Variants in TMEM132D observed in about 807,000 individuals in gnomAD.
TMEM132D encodes transmembrane protein 132D.
Under a neutral mutation model 62.3 loss-of-function variants are expected in TMEM132D, and 21 were observed. The ratio of observed to expected loss-of-function variants is 0.34; its 90% confidence interval spans 0.24 to 0.49. The LOEUF is 0.49. TMEM132D is among the 20% of genes least tolerant of loss of function. The probability of loss-of-function intolerance (pLI) is 0.99; values close to 1 mark genes in which losing one functional copy is unlikely to be tolerated. For missense variants in TMEM132D, 1,346 were observed against 1,402.8 expected, an observed-to-expected ratio of 0.96 and a Z score of 0.65; for synonymous variants, 621 against 575.6, an observed-to-expected ratio of 1.08 and a Z score of -1.13.
chr12:129,283,890 T>A (rs948657091), intron 4 of TMEM132D, among the ~76,000 whole-genome samples: 2 of 152,222 alleles, frequency 1.3e-5, no homozygotes, highest in African/African-American at 4.8e-5. Flanking sequence ...AGGAGCTAAC[T>A]TCCCCCTGAC....
intron 3 of TMEM132D, among the ~76,000 whole-genome samples, chr12:129,440,063 G>A (rs1293776444): frequency 6.6e-6 from 1 of 152,156 alleles, no homozygotes; most frequent in African/African-American, 2.4e-5. Flanking sequence ...GACCAAGTAC[G>A]GGTGTGCAAT....
intron 5 of TMEM132D, among the ~76,000 whole-genome samples, chr12:129,152,706 T>C (rs894073798): frequency 6.6e-6 from 1 of 152,154 alleles, no homozygotes; most frequent in Admixed American, 6.5e-5. Flanking sequence ...TGCTCTTCTG[T>C]AATTTAGAGA....
chr12:129,455,988 A>G (rs1873451190), intron 3 of TMEM132D, among the ~76,000 whole-genome samples: 1 of 152,196 alleles, frequency 6.6e-6, no homozygotes, highest in African/African-American at 2.4e-5. Context: ...GGCTATTGCA[A>G]TAATCCAGGC....
At chr12:129,133,598 A>C (rs1462076250) in intron 5 of TMEM132D, among the ~76,000 whole-genome samples, 1 of 152,190 alleles carries the variant, frequency 6.6e-6, no homozygotes, top group Non-Finnish European at 1.5e-5. Context: ...CTGAGGATAG[A>C]TATGGGCTAG....
chr12:129,872,524 C>T (rs534450867), intron 1 of TMEM132D, among the ~76,000 whole-genome samples: 1 of 152,332 alleles, frequency 6.6e-6, no homozygotes, highest in Admixed American at 6.5e-5. Context: ...AACTAATGTT[C>T]TATCAAGTCT....
rs1211727951 is a variant in TMEM132D, at chr12:129,071,946, C to G, written c.*1929G>C. 1 of 152,132 alleles carries G rather than the reference C, an allele frequency of 6.6e-6. No individual in the cohort carries two copies. Among genetic ancestry groups the G allele is most frequent in the African/African-American group, 2.4e-5 (1 of 41,422 alleles). The allele number at this position is 152,132 out of a possible 1,614,324, so 9.4% of individuals were successfully genotyped here. ...AGGGGTGACAGCTTAATCACCCAAC[C>G]AAACAAGGTAGGTAAGCTTGCGGAC... On this transcript the variant is annotated 3_prime_UTR_variant, in exon 9 of 9. Coordinates refer to ENST00000422113, the MANE Select transcript of TMEM132D (RefSeq NM_133448.3).
intron 1 of TMEM132D, among the ~76,000 whole-genome samples, chr12:129,868,395 A>T (rs912932017): frequency 6.6e-6 from 1 of 152,176 alleles, no homozygotes; most frequent in African/African-American, 2.4e-5. Context: ...ATTGATTTAA[A>T]TTTTTTCTAA....
In TMEM132D at chr12:129,362,761, T is replaced by C. The variant is rs368023675; in HGVS notation, c.1116-24944A>G. 7.9e-5 allele frequency among the ~76,000 whole-genome samples: 12 copies of C among 152,230 alleles called. No individual in the cohort carries two copies. The East Asian group carries it at 2.3e-3, about 29-fold the overall frequency. On this transcript the variant is annotated intron_variant, in intron 3 of 8. Transcript: ENST00000422113. ...CTGTGATGAAGCCCTAGATGAGACT[T>C]GGGCAGAAAACACAAAATCAGAATA...
intron 3 of TMEM132D, among the ~76,000 whole-genome samples, chr12:129,344,886 T>C (rs1028017043): frequency 1.3e-5 from 2 of 152,074 alleles, no homozygotes; most frequent in Admixed American, 1.3e-4. Flanking sequence ...AAATTGCTGA[T>C]TGAGATTTGG....
At chr12:129,100,478 G>A (rs1875264662) in intron 5 of TMEM132D, among the ~76,000 whole-genome samples, 1 of 152,176 alleles carries the variant, frequency 6.6e-6, no homozygotes, top group African/African-American at 2.4e-5. Context: ...AATCTCCACC[G>A]TGGGTTTTTA....
intron 2 of TMEM132D, among the ~76,000 whole-genome samples, chr12:129,593,919 T>C (rs1403862036): frequency 6.6e-6 from 1 of 152,202 alleles, no homozygotes; most frequent in Non-Finnish European, 1.5e-5. Flanking sequence ...CCATGCCTTT[T>C]TCTTCCCCTC....
At chr12:129,188,187 C>T (rs1878272719) in intron 5 of TMEM132D, among the ~76,000 whole-genome samples, 1 of 152,184 alleles carries the variant, frequency 6.6e-6, no homozygotes, top group Non-Finnish European at 1.5e-5. Flanking sequence ...CTTGTGTCAG[C>T]CCTGAGACAA....
rs1051520244 is a variant in TMEM132D at position 129,604,076 on chromosome 12, A to G, written c.969-72871T>C. Among the ~76,000 whole-genome samples the G allele has an allele frequency of 4.6e-5, 7 of 152,166 alleles. No homozygotes were observed. In the South Asian group the frequency reaches 1.0e-3, roughly 23 times the overall value. On this transcript the variant is annotated intron_variant, in intron 2 of 8. Coordinates refer to ENST00000422113, the MANE Select transcript of TMEM132D (RefSeq NM_133448.3). ...CAAACTAACACAGGAACAGAAAACC[A>G]AACACTGCATGTTCTCACTCATAAG...
chr12:129,349,339 T>C (rs1391106546), intron 3 of TMEM132D, among the ~76,000 whole-genome samples: 1 of 152,136 alleles, frequency 6.6e-6, no homozygotes, highest in Non-Finnish European at 1.5e-5. Flanking sequence ...ACTCCAATCA[T>C]CCATATTTAA....
At chr12:129,452,676 T>TA (rs1873332585) in intron 3 of TMEM132D, among the ~76,000 whole-genome samples, 1 of 151,698 alleles carries the variant, frequency 6.6e-6, no homozygotes, top group East Asian at 1.9e-4. Flanking sequence ...AGAGTATTTT[T>TA]AAAAGAAAGG....
rs529203782 is a variant in TMEM132D at position 129,642,182 on chromosome 12, T to C, written c.968+57628A>G. On this transcript the variant is annotated intron_variant, in intron 2 of 8. Coordinates refer to ENST00000422113, the MANE Select transcript of TMEM132D (RefSeq NM_133448.3). ...GAGAGGGAAGACAGGAGAGATTTTA[T>C]GACAGTCTTTGAACAGTCACAAGGG... 9.7e-4 allele frequency among the ~76,000 whole-genome samples: 147 copies of C among 152,326 alleles called. No individual in the cohort carries two copies. In the Middle Eastern group the frequency reaches 0.014, roughly 14 times the overall value.
At chr12:129,158,449 T>A (rs557071270) in intron 5 of TMEM132D, among the ~76,000 whole-genome samples, 1 of 152,232 alleles carries the variant, frequency 6.6e-6, no homozygotes, top group Non-Finnish European at 1.5e-5. Flanking sequence ...TGATACCAAG[T>A]TGGAATGTGG....
intron 3 of TMEM132D, among the ~76,000 whole-genome samples, chr12:129,460,242 C>T (rs1196814393): frequency 1.3e-5 from 2 of 152,220 alleles, no homozygotes; most frequent in East Asian, 1.9e-4. Context: ...TGTGTATTCC[C>T]GTGATGTCCG....
chr12:129,882,928 C>A (rs75586591), intron 1 of TMEM132D, among the ~76,000 whole-genome samples: 1 of 152,070 alleles, frequency 6.6e-6, no homozygotes, highest in Non-Finnish European at 1.5e-5. Context: ...TCATACTTAA[C>A]GTTGTAAAAT....
Sources: gnomAD v4.1 joint callset for allele counts (sites outside exome capture counted in the v4.1 genomes callset) on GRCh38, gnomAD v4.1.1 for gene constraint, MANE v1.5 for transcripts, NCBI Gene and HGNC (gene_info 2026-07-23, HGNC 2026-07-21) for gene names.